NID1: variants seen among roughly 807,000 people sequenced by gnomAD.
The protein encoded by NID1 is nidogen 1.
Under a neutral mutation model 130.6 loss-of-function variants are expected in NID1, and 76 were observed. That is an observed-to-expected ratio of 0.58 (90% CI 0.48 to 0.70). NID1 has a LOEUF of 0.70. NID1 is among the 30% of genes least tolerant of loss of function. The probability of loss-of-function intolerance (pLI) is 0.00; values close to 1 mark genes in which losing one functional copy is unlikely to be tolerated. For synonymous variants in NID1, 665 were observed against 675.1 expected (o/e 0.98, Z 0.23); for missense variants, 1,517 against 1,664.8 (o/e 0.91, Z 1.54).
At position 235,979,971 on chromosome 1, in the gene NID1, C is replaced by A; in HGVS notation, c.3386-26G>T. The A allele has an allele frequency of 6.2e-7, 1 of 1,611,714 alleles. No individual in the cohort carries two copies. The highest frequency in any genetic ancestry group is 1.1e-5 in the South Asian group (1 of 90,892). Reference sequence around the variant, plus strand: ...CTGTGTGGAGTGGAAACAATTCATTCATTGTTCACACAAGAAATGGCCCCT... The same window carrying A: ...CTGTGTGGAGTGGAAACAATTCATTAATTGTTCACACAAGAAATGGCCCCT... On this transcript the variant is annotated intron_variant, in intron 17 of 19. Transcript: ENST00000264187. The surrounding 1 kb of genome is among the most constrained non-coding windows in gnomAD (Gnocchi z 4.6).
At chr1:236,064,493 G>A (rs1660133618) in intron 1 of NID1, 1 of 226,514 alleles carries the variant, frequency 4.4e-6, no homozygotes, top group Non-Finnish European at 8.6e-6. Context: ...CTCCACCCGG[G>A]ACCGGCCAGG....
chr1:236,030,361 G>A (rs560849894), intron 6 of NID1, among the ~76,000 whole-genome samples: 6 of 152,260 alleles, frequency 3.9e-5, no homozygotes, highest in Admixed American at 2.0e-4. Flanking sequence ...GACCTGCCCC[G>A]TGACAGCAGG....
At chr1:236,054,911 G>A (rs1443099545) in intron 1 of NID1, among the ~76,000 whole-genome samples, 1 of 151,958 alleles carries the variant, frequency 6.6e-6, no homozygotes, top group Non-Finnish European at 1.5e-5. Context: ...CAAAGTGCTG[G>A]GATTACAGGT....
chr1:236,005,187 A>T (rs1383757002), intron 12 of NID1, among the ~76,000 whole-genome samples: 1 of 152,170 alleles, frequency 6.6e-6, no homozygotes, highest in East Asian at 1.9e-4. Context: ...AAACAAACAA[A>T]AAAATGTAAG....
At chr1:236,011,522 CG>C (rs1344789095) in intron 12 of NID1, among the ~76,000 whole-genome samples, 3 of 152,218 alleles carry the variant, frequency 2.0e-5, no homozygotes, top group Admixed American at 6.5e-5. Flanking sequence ...AGGCTGATCT[CG>C]AACTCCTGAC....
chr1:236,041,437 T>C (rs890461066), intron 4 of NID1, among the ~76,000 whole-genome samples: 1 of 152,088 alleles, frequency 6.6e-6, no homozygotes, highest in African/African-American at 2.4e-5. Flanking sequence ...ACTCTGAAAC[T>C]GACGGGACCT....
chr1:236,047,529 C>T (rs1323068269), intron 2 of NID1, among the ~76,000 whole-genome samples: 1 of 152,098 alleles, frequency 6.6e-6, no homozygotes, highest in African/African-American at 2.4e-5. Context: ...ACAGCCTGGT[C>T]CTTCCAGCCG....
intron 5 of NID1, among the ~76,000 whole-genome samples, chr1:236,035,718 C>T (rs1037887301): frequency 2.6e-5 from 4 of 152,274 alleles, no homozygotes; most frequent in African/African-American, 7.2e-5. Context: ...GATGACTTTT[C>T]GTTGGGTTCC....
intron 9 of NID1, among the ~76,000 whole-genome samples, chr1:236,023,497 C>T (rs7527849): frequency 0.017 from 2,612 of 152,224 alleles, 85 homozygotes; most frequent in African/African-American, 0.06. Flanking sequence ...GTACAGAGTA[C>T]GTTTTGCAAG....
chr1:236,012,539 C>T (rs182185020), intron 11 of NID1, among the ~76,000 whole-genome samples: 290 of 86,108 alleles, frequency 3.4e-3, no homozygotes, highest in Admixed American at 0.011. Context: ...GCTTGGGCAA[C>T]AAGAGCTAAA....
intron 14 of NID1, among the ~76,000 whole-genome samples, chr1:235,987,806 A>G (rs1396115587): frequency 6.6e-6 from 1 of 152,160 alleles, no homozygotes; most frequent in Non-Finnish European, 1.5e-5. Flanking sequence ...TACTGGGAAA[A>G]TCAGGAGGAT....
rs1156712896 is a variant in NID1, at chr1:236,064,648, C to A, written c.225+207G>T. On this transcript the variant is annotated intron_variant, in intron 1 of 19. Transcript: ENST00000264187. ...GGGGCGCGCGGAGCCACCCAGACCC[C>A]GCGACCCGCTCTTCGGATAGCAGGG... 3 of 615,588 alleles carry A rather than the reference C, an allele frequency of 4.9e-6. No individual in the cohort carries two copies. The African/African-American group carries it at 5.8e-5, about 12-fold the overall frequency. The allele number at this position is 615,588 out of a possible 1,614,324, so 38.1% of individuals were successfully genotyped here.
At chr1:236,005,822 A>G (rs1157759222) in intron 12 of NID1, among the ~76,000 whole-genome samples, 1 of 152,250 alleles carries the variant, frequency 6.6e-6, no homozygotes, top group African/African-American at 2.4e-5. Flanking sequence ...TCCAGCCTGC[A>G]CTTTCTAATA....
intron 1 of NID1, among the ~76,000 whole-genome samples, chr1:236,049,289 C>T (rs1216387171): frequency 6.6e-6 from 1 of 152,076 alleles, no homozygotes; most frequent in Non-Finnish European, 1.5e-5. Context: ...GGAGCCTGGG[C>T]ATCAAAGTGA....
intron 8 of NID1, among the ~76,000 whole-genome samples, chr1:236,025,540 G>C (rs1227136164): frequency 6.6e-6 from 1 of 152,176 alleles, no homozygotes; most frequent in Non-Finnish European, 1.5e-5. Context: ...GGGATTACAG[G>C]CATGAGCCAC....
intron 14 of NID1, among the ~76,000 whole-genome samples, chr1:235,990,112 G>A (rs374582772): frequency 9.9e-5 from 15 of 152,150 alleles, no homozygotes; most frequent in African/African-American, 3.4e-4. Context: ...TTTTGCTGAT[G>A]TTTCCTCCCT....
chr1:236,062,322 C>G (rs551790050), intron 1 of NID1, among the ~76,000 whole-genome samples: 133 of 152,280 alleles, frequency 8.7e-4, no homozygotes, highest in South Asian at 1.9e-3. Context: ...AAAGTTAAAT[C>G]GTGTCAGCCA....
chr1:236,017,297 T>C, intron 9 of NID1, 24 bp from the exon 10 acceptor site: 1 of 1,612,470 alleles, frequency 6.2e-7, no homozygotes, highest in Non-Finnish European at 8.5e-7. Flanking sequence ...TTTTTTTTAC[T>C]GCAGGCTTTT....
chr1:235,981,834 A>G (rs924940732), intron 15 of NID1, 52 bp from the exon 16 acceptor site: 5 of 1,522,746 alleles, frequency 3.3e-6, no homozygotes, highest in Non-Finnish European at 4.4e-6. Flanking sequence ...TAAGCAGCTG[A>G]GATGAGGTTT....
Sources: gnomAD v4.1 joint callset for allele counts (sites outside exome capture counted in the v4.1 genomes callset) on GRCh38, gnomAD v4.1.1 for gene constraint, Gnocchi (gnomAD v3.1) non-coding constraint, MANE v1.5 for transcripts, NCBI Gene and HGNC (gene_info 2026-07-23, HGNC 2026-07-21) for gene names.